Variants in TBC1D32 observed in about 807,000 individuals in gnomAD.
TBC1D32 encodes the protein TBC1 domain family member 32.
TBC1D32 carries 151 observed loss-of-function variants against 170.3 expected under a neutral mutation model. The observed-to-expected ratio is 0.89, with a 90% CI of 0.78 to 1.01. The LOEUF (loss-of-function observed/expected upper bound fraction) is 1.01, where lower values mean the gene tolerates loss of function less well. Ranked by LOEUF, TBC1D32 falls within the 50% of genes least tolerant of loss-of-function variation. The pLI, the probability that TBC1D32 is intolerant of heterozygous loss-of-function variation, is 0.00. For synonymous variants in TBC1D32, 498 were observed against 488.0 expected (o/e 1.02, Z -0.27); for missense variants, 1,464 against 1,457.1 (o/e 1.00, Z -0.08).
At position 121,080,320 on chromosome 6, in the gene TBC1D32, C is replaced by G. The variant is rs780597093; in HGVS notation, c.*451G>C. 6.1e-5 allele frequency: 18 copies of G among 295,700 alleles called. No individual in the cohort carries two copies. The East Asian group carries it at 2.3e-3, about 37-fold the overall frequency. The allele number at this position is 295,700 out of a possible 1,614,324, so 18.3% of individuals were successfully genotyped here. ...GCAACCTCCGCCTCCCGGGTTCAAG[C>G]GATTCTCCTGCCTCAGCCTCCCAAG... On this transcript the variant is annotated 3_prime_UTR_variant, in exon 32 of 32. Transcript: ENST00000398212.
intron 1 of TBC1D32, among the ~76,000 whole-genome samples, 189 bp from the exon 2 acceptor site, chr6:121,321,983 T>G (rs1251397872): frequency 6.6e-6 from 1 of 151,740 alleles, no homozygotes; most frequent in Non-Finnish European, 1.5e-5. Flanking sequence ...TTGGCAAAAA[T>G]CATCATTTAA....
At chr6:121,324,398 C>T (rs926300513) in intron 1 of TBC1D32, among the ~76,000 whole-genome samples, 1 of 151,618 alleles carries the variant, frequency 6.6e-6, no homozygotes, top group African/African-American at 2.4e-5. Context: ...TATTTATATT[C>T]GATGTTTAGA....
At chr6:121,225,025 T>G (rs537834280) in intron 20 of TBC1D32, among the ~76,000 whole-genome samples, 1 of 152,124 alleles carries the variant, frequency 6.6e-6, no homozygotes, top group Admixed American at 6.5e-5. Context: ...AATGAATGCC[T>G]CTGTAAAGAG....
At chr6:121,291,522 A>G (rs1376516516) in intron 12 of TBC1D32, among the ~76,000 whole-genome samples, 4 of 152,166 alleles carry the variant, frequency 2.6e-5, no homozygotes, top group Non-Finnish European at 4.4e-5. Context: ...GAGTTTAAGT[A>G]TATACTAACA....
chr6:121,283,746 A>T lies in TBC1D32; in HGVS notation c.1465+72T>A, dbSNP rs146070592. On this transcript the variant is annotated intron_variant, in intron 13 of 31. Coordinates refer to ENST00000398212, the MANE Select transcript of TBC1D32 (RefSeq NM_152730.6). ...CCAAAGTAGGTCAGGCACTCAAAAC[A>T]TCTAGACAATAGAATACTTAAATAT... 4.5e-4 allele frequency: 538 copies of T among 1,205,212 alleles called. 2 individuals carry two copies. The African/African-American group carries it at 7.8e-3, about 17-fold the overall frequency. The allele number at this position is 1,205,212 out of a possible 1,614,324, so 74.7% of individuals were successfully genotyped here. A position where few individuals can be genotyped will look rare whatever the true frequency, so the allele number is the denominator to read the frequency against.
chr6:121,169,976 G>C (rs943103468), intron 22 of TBC1D32, among the ~76,000 whole-genome samples: 2 of 152,068 alleles, frequency 1.3e-5, no homozygotes, highest in Admixed American at 1.3e-4. Flanking sequence ...ATGGAATAAA[G>C]AGTGCCTCTG....
chr6:121,293,825 C>G (rs947479681), intron 11 of TBC1D32, among the ~76,000 whole-genome samples: 2 of 152,048 alleles, frequency 1.3e-5, no homozygotes, highest in Non-Finnish European at 2.9e-5. Flanking sequence ...GCAGGAGAGT[C>G]GCTTGAACCC....
Position 121,202,365 on chromosome 6 carries a change from GA to G in TBC1D32, c.2570+2709del, listed in dbSNP as rs35983239. Among the ~76,000 whole-genome samples, 216 of 142,114 alleles carry G rather than the reference GA, an allele frequency of 1.5e-3. 1 individual carries two copies. The highest frequency in any genetic ancestry group is 3.6e-3 in the Middle Eastern group (1 of 280). The allele number at this position is 142,114 out of a possible 152,430, so 93.2% of individuals were successfully genotyped here. On this transcript the variant is annotated intron_variant, in intron 22 of 31. Coordinates refer to ENST00000398212, the MANE Select transcript of TBC1D32 (RefSeq NM_152730.6). ...GAAATGAAGAGAATTTTTCACACAG[GA>G]AAAAAAAAAAAATGGTCCCCTATAT...
chr6:121,215,342 C>T (rs901148472), intron 21 of TBC1D32, among the ~76,000 whole-genome samples: 1 of 152,196 alleles, frequency 6.6e-6, no homozygotes, highest in Non-Finnish European at 1.5e-5. Flanking sequence ...TGCAGCTGTG[C>T]CTGGGAGGGT....
At chr6:121,281,779 A>G in intron 13 of TBC1D32, 93 bp from the exon 14 acceptor site, 1 of 944,074 alleles carries the variant, frequency 1.1e-6, no homozygotes, top group Non-Finnish European at 1.5e-6. Context: ...TTCAACATCA[A>G]AGTTAATTCA....
In TBC1D32 at chr6:121,262,973, A is replaced by G. The variant is rs964310251; in HGVS notation, c.1734-6688T>C. ...AATCAGTACCAGCCACTGAAAAAAA[A>G]CACACTAAACTACAAAGACCAATGA... On this transcript the variant is annotated intron_variant, in intron 15 of 31. Coordinates refer to ENST00000398212, the MANE Select transcript of TBC1D32 (RefSeq NM_152730.6). Among the ~76,000 whole-genome samples the G allele has an allele frequency of 3.3e-5, 5 of 152,328 alleles. No homozygotes were observed. In the East Asian group the frequency reaches 9.7e-4, roughly 29 times the overall value.
chr6:121,282,522 G>A (rs190295765), intron 13 of TBC1D32, among the ~76,000 whole-genome samples: 1 of 151,618 alleles, frequency 6.6e-6, no homozygotes, highest in Non-Finnish European at 1.5e-5. Flanking sequence ...CAATAAACAC[G>A]CTGACTTCAG....
At chr6:121,246,477 T>A (rs1797620831) in intron 17 of TBC1D32, among the ~76,000 whole-genome samples, 1 of 151,832 alleles carries the variant, frequency 6.6e-6, no homozygotes, top group Admixed American at 6.6e-5. Context: ...CATAAAAGGG[T>A]TCTGTAACAC....
chr6:121,282,795 G>A (rs1364896157), intron 13 of TBC1D32, among the ~76,000 whole-genome samples: 1 of 151,750 alleles, frequency 6.6e-6, no homozygotes, highest in African/African-American at 2.4e-5. Flanking sequence ...TTAGAACAAA[G>A]AAAGATGATT....
intron 22 of TBC1D32, among the ~76,000 whole-genome samples, 156 bp from the exon 23 acceptor site, chr6:121,161,212 T>A (rs1221112056): frequency 6.6e-6 from 1 of 152,200 alleles, no homozygotes; most frequent in East Asian, 1.9e-4. Flanking sequence ...TTTTATTAAG[T>A]TCAGGGTACC....
chr6:121,326,770 G>GA (rs971421302), intron 1 of TBC1D32, among the ~76,000 whole-genome samples: 106 of 143,500 alleles, frequency 7.4e-4, no homozygotes, highest in African/African-American at 1.7e-3. Flanking sequence ...ATCTTCTAGG[G>GA]AAAAAAAAAA....
At chr6:121,171,193 A>C (rs1194835065) in intron 22 of TBC1D32, among the ~76,000 whole-genome samples, 1 of 151,914 alleles carries the variant, frequency 6.6e-6, no homozygotes, top group East Asian at 1.9e-4. Flanking sequence ...ATTTAAAAAC[A>C]CTGTAAGGAG....
intron 15 of TBC1D32, among the ~76,000 whole-genome samples, chr6:121,269,236 T>C (rs753522394): frequency 6.6e-6 from 1 of 152,114 alleles, no homozygotes; most frequent in African/African-American, 2.4e-5. Flanking sequence ...AACATCATAA[T>C]GACAGGATCA....
intron 24 of TBC1D32, among the ~76,000 whole-genome samples, chr6:121,158,049 T>A (rs777871520): frequency 1.1e-4 from 16 of 152,172 alleles, no homozygotes; most frequent in Non-Finnish European, 1.6e-4. Flanking sequence ...TGTCTACATC[T>A]CTAGCAAACT....
Sources: gnomAD v4.1 joint callset for allele counts (sites outside exome capture counted in the v4.1 genomes callset) on GRCh38, gnomAD v4.1.1 for gene constraint, MANE v1.5 for transcripts, NCBI Gene and HGNC (gene_info 2026-07-23, HGNC 2026-07-21) for gene names.